Variants in MID1 observed in about 807,000 individuals in gnomAD.
The protein encoded by MID1 is E3 ubiquitin-protein ligase Midline-1.
A neutral mutation model predicts 40.4 loss-of-function variants in MID1; 7 were observed. That is an observed-to-expected ratio of 0.17 (90% confidence interval 0.10 to 0.33). MID1 has a LOEUF of 0.33. Ranked by LOEUF, MID1 falls within the 10% of genes least tolerant of loss-of-function variation. The pLI is 1.00. For missense variants in MID1, 367 were observed against 558.5 expected (o/e 0.66, Z 3.46); for synonymous variants, 229 against 221.2 (o/e 1.04, Z -0.31).
intron 2 of MID1, among the ~76,000 whole-genome samples, chrX:10,545,168 A>T (rs891888112): frequency 3.1e-4 from 34 of 111,017 alleles, no homozygotes; most frequent in African/African-American, 1.1e-3. Flanking sequence ...CCCCACGTTG[A>T]CCAGGCTGGT....
intron 1 of MID1, among the ~76,000 whole-genome samples, chrX:10,801,546 A>T (rs2044007584): frequency 8.9e-6 from 1 of 111,753 alleles, no homozygotes; most frequent in Non-Finnish European, 1.9e-5. Flanking sequence ...TCTGTTTTAT[A>T]ATCTATAAAT....
At chrX:10,652,701 C>A (rs1183881686) in intron 1 of MID1, among the ~76,000 whole-genome samples, 2 of 111,661 alleles carry the variant, frequency 1.8e-5, no homozygotes, top group Non-Finnish European at 3.8e-5. Flanking sequence ...CCCTGACTCC[C>A]GCTGCCCTCA....
At chrX:10,500,555 AAAG>A (rs1156793050) in intron 3 of MID1, among the ~76,000 whole-genome samples, 17 of 112,502 alleles carry the variant, frequency 1.5e-4, no homozygotes, top group African/African-American at 5.5e-4. Context: ...TTTCTACTAC[AAAG>A]AAGTTTTCCA....
intron 7 of MID1, among the ~76,000 whole-genome samples, chrX:10,468,024 C>A (rs1219674595): frequency 8.9e-6 from 1 of 111,883 alleles, no homozygotes; most frequent in Non-Finnish European, 1.9e-5. Context: ...AGTTTAACCA[C>A]AACTTCCCCC....
At chrX:10,598,838 G>A (rs1055480432) in intron 1 of MID1, among the ~76,000 whole-genome samples, 6 of 112,091 alleles carry the variant, frequency 5.4e-5, no homozygotes, top group African/African-American at 1.9e-4. Flanking sequence ...GTGAGACCCT[G>A]AGCAGAGAAC....
At chrX:10,752,294 T>C (rs780503426) in intron 1 of MID1, among the ~76,000 whole-genome samples, 12 of 111,710 alleles carry the variant, frequency 1.1e-4, no homozygotes, top group Non-Finnish European at 2.3e-4. Context: ...GAAATAGTTT[T>C]CTTTACTCCA....
chrX:10,540,143 G>A (rs1933412435), intron 2 of MID1, among the ~76,000 whole-genome samples: 1 of 112,271 alleles, frequency 8.9e-6, no homozygotes, highest in African/African-American at 3.2e-5. Flanking sequence ...AGAGGTTGCA[G>A]TGAGCCAAGA....
Position 10,447,461 on chromosome X carries a change from A to G in MID1, c.*1907T>C, listed in dbSNP as rs917395368. On this transcript the variant is annotated 3_prime_UTR_variant, in exon 10 of 10. Coordinates refer to ENST00000317552, the MANE Select transcript of MID1 (RefSeq NM_000381.4). ...TCCATTATCCAGTTACCCAAAATGT[A>G]TGTAAAAATTACTGAGACAACCCTT... 3 of 111,686 alleles carry G rather than the reference A, an allele frequency of 2.7e-5. No individual in the cohort carries two copies. The Admixed American group carries it at 2.9e-4, about 11-fold the overall frequency. The allele number at this position is 111,686 out of a possible 1,213,427, so 9.2% of individuals were successfully genotyped here. A position where few individuals can be genotyped will look rare whatever the true frequency, so the allele number is the denominator to read the frequency against.
intron 1 of MID1, among the ~76,000 whole-genome samples, chrX:10,596,481 C>G (rs937803795): frequency 1.3e-4 from 14 of 111,944 alleles, no homozygotes; most frequent in Middle Eastern, 9.2e-3. Context: ...ACAACAGTTC[C>G]AAGAACATGT....
At chrX:10,831,598 G>A (rs192086670) in intron 1 of MID1, among the ~76,000 whole-genome samples, 1 of 111,585 alleles carries the variant, frequency 9.0e-6, no homozygotes, top group East Asian at 2.8e-4. Context: ...AATCCTCCTG[G>A]AACTTTGTTA....
At chrX:10,719,368 T>C (rs1448474221) in intron 1 of MID1, among the ~76,000 whole-genome samples, 16 of 111,720 alleles carry the variant, frequency 1.4e-4, no homozygotes, top group African/African-American at 4.9e-4. Context: ...ACAAAATCAA[T>C]GTGCAAAAAC....
At chrX:10,589,016 C>G (rs1028602382) in intron 1 of MID1, among the ~76,000 whole-genome samples, 2 of 111,381 alleles carry the variant, frequency 1.8e-5, no homozygotes, top group African/African-American at 6.5e-5. Flanking sequence ...TTATTTGTGC[C>G]TGACCCATGC....
intron 2 of MID1, among the ~76,000 whole-genome samples, chrX:10,563,778 T>C (rs969903897): frequency 8.9e-5 from 10 of 112,202 alleles, no homozygotes; most frequent in Admixed American, 1.9e-4. Flanking sequence ...TTACATGATG[T>C]GGATGATTTT....
At chrX:10,704,893 A>G (rs910779985) in intron 1 of MID1, among the ~76,000 whole-genome samples, 1 of 108,183 alleles carries the variant, frequency 9.2e-6, no homozygotes, top group Non-Finnish European at 1.9e-5. Context: ...CCTCTCAAGT[A>G]GCTGGGATCA....
At chrX:10,827,916 A>T (rs1019987193) in intron 1 of MID1, among the ~76,000 whole-genome samples, 1 of 111,002 alleles carries the variant, frequency 9.0e-6, no homozygotes, top group African/African-American at 3.3e-5. Context: ...GCACAGGGGG[A>T]GACATATGAT....
At chrX:10,821,281 G>A (rs1305467216) in intron 1 of MID1, among the ~76,000 whole-genome samples, 1 of 112,028 alleles carries the variant, frequency 8.9e-6, no homozygotes, top group Non-Finnish European at 1.9e-5. Flanking sequence ...TTTTAAGGTA[G>A]GGAGAGCCAA....
chrX:10,488,936 G>A (rs1930771912), intron 4 of MID1, among the ~76,000 whole-genome samples: 1 of 110,989 alleles, frequency 9.0e-6, no homozygotes, highest in Admixed American at 9.6e-5. Flanking sequence ...GGGACTTTGT[G>A]ATTGTGTAAG....
intron 1 of MID1, among the ~76,000 whole-genome samples, chrX:10,699,961 T>A (rs1271724566): frequency 9.1e-6 from 1 of 109,537 alleles, no homozygotes; most frequent in Non-Finnish European, 1.9e-5. Flanking sequence ...TAGCTGGGAT[T>A]ACAGACATGT....
rs762802896 is a variant in MID1 at position 10,482,570 on chromosome X, C to T, written c.923G>A (p.Arg308Gln). The T allele has an allele frequency of 1.7e-6, 2 of 1,210,270 alleles. No homozygotes were observed. Among genetic ancestry groups the T allele is most frequent in the South Asian group, 1.8e-5 (1 of 56,946 alleles). The change falls in exon 5 of 10, where the codon CGG becomes CAG. Residue 308 changes from arginine (R) to glutamine (Q), a missense_variant. Physicochemically the swap from Arg to Gln is conservative, Grantham distance 43. Around this residue, in one of 3 missense-constraint regions of MID1, gnomAD observed 275 missense variants for 383.1 expected, o/e 0.72. Transcript: ENST00000317552. ...CGCTTGGGAGATGAGTGATGCTGAC[C>T]GCTCAATGCACTGTTTGCAGTTTGC... is the stretch of plus-strand genomic sequence containing the variant. The part of the protein sequence containing the change: ...QIANCKQCIE[R>Q]SASLISQAEH...
Sources: gnomAD v4.1 joint callset for allele counts (sites outside exome capture counted in the v4.1 genomes callset) on GRCh38, gnomAD v4.1.1 for gene constraint, gnomAD v4.1.1 regional missense constraint, MANE v1.5 for transcripts, NCBI Gene and HGNC (gene_info 2026-07-23, HGNC 2026-07-21) for gene names.